The following FBN1 variants were observed in gnomAD, a reference collection of about 807,000 sequenced individuals.
FBN1 encodes the protein fibrillin-1.
In FBN1, 29 loss-of-function variants were observed where a neutral mutation model predicts 365.1. The ratio of observed to expected loss-of-function variants is 0.08; its 90% CI spans 0.06 to 0.11. FBN1 has a LOEUF of 0.11. Among genes scored for constraint, FBN1 ranks in the 10% least tolerant of loss-of-function variants. The pLI is 1.00. For synonymous variants in FBN1, 1,210 were observed against 1,270.5 expected, an observed-to-expected ratio of 0.95 and a Z score of 1.01; for missense variants, 2,476 against 3,703.2, an observed-to-expected ratio of 0.67 and a Z score of 8.60.
chr15:48,453,231 G>A (rs2043214411), intron 44 of FBN1, among the ~76,000 whole-genome samples: 1 of 147,458 alleles, frequency 6.8e-6, no homozygotes, highest in Admixed American at 7.0e-5. Flanking sequence ...ATTCCAGCCT[G>A]GGCAACAAGT....
intron 56 of FBN1, among the ~76,000 whole-genome samples, chr15:48,430,330 T>C (rs574069034): frequency 3.3e-5 from 5 of 152,200 alleles, no homozygotes; most frequent in Admixed American, 1.3e-4. Flanking sequence ...GCTAAGTCAA[T>C]AGGGAAGCAT....
At chr15:48,594,413 C>G (rs1177728941) in intron 6 of FBN1, among the ~76,000 whole-genome samples, 2 of 152,156 alleles carry the variant, frequency 1.3e-5, no homozygotes, top group Admixed American at 6.5e-5. Context: ...TTGAAAATCA[C>G]CACTGGGAAA....
In FBN1 at chr15:48,415,194, G is replaced by A. The variant is rs1177624036; in HGVS notation, c.8051+342C>T. On this transcript the variant is annotated intron_variant, in intron 64 of 65. Coordinates refer to ENST00000316623, the MANE Select transcript of FBN1 (RefSeq NM_000138.5). The stretch of plus-strand genomic sequence containing the variant: ...CAGGAGAAGAGTGGATCAGTCGTGT[G>A]CAGGGTGAGCCCAGTTCTGTCATGG... Among the ~76,000 whole-genome samples the A allele has an allele frequency of 3.9e-5, 6 of 152,194 alleles. No individual in the cohort carries two copies. In the East Asian group the frequency reaches 1.2e-3, roughly 29 times the overall value.
At chr15:48,633,881 T>C (rs1263128797) in intron 2 of FBN1, among the ~76,000 whole-genome samples, 1 of 152,162 alleles carries the variant, frequency 6.6e-6, no homozygotes, top group Non-Finnish European at 1.5e-5. Flanking sequence ...TGACTCAGCT[T>C]CCACACCTAC....
chr15:48,515,653 G>T, intron 11 of FBN1, 126 bp from the exon 12 acceptor site: 1 of 1,258,998 alleles, frequency 7.9e-7, no homozygotes, highest in Non-Finnish European at 1.1e-6. Flanking sequence ...GGCAAAGGTC[G>T]TCTGGTGACA....
At chr15:48,603,497 A>G (rs16961235) in intron 4 of FBN1, among the ~76,000 whole-genome samples, 1,803 of 152,344 alleles carry the variant, frequency 0.012, 44 homozygotes, top group African/African-American at 0.041. Flanking sequence ...TACACGCAGG[A>G]AATAGTTTAC....
intron 8 of FBN1, among the ~76,000 whole-genome samples, chr15:48,528,096 A>G (rs887122520): frequency 6.6e-6 from 1 of 152,248 alleles, no homozygotes; most frequent in Non-Finnish European, 1.5e-5. Flanking sequence ...TTAGTATCTG[A>G]GTCCTACAAC....
At chr15:48,576,277 T>C (rs1356825378) in intron 6 of FBN1, among the ~76,000 whole-genome samples, 1 of 152,230 alleles carries the variant, frequency 6.6e-6, no homozygotes, top group Non-Finnish European at 1.5e-5. Context: ...CATTTCATTT[T>C]TCATCAACTC....
chr15:48,556,416 C>T (rs2044181284), intron 6 of FBN1, among the ~76,000 whole-genome samples: 1 of 152,176 alleles, frequency 6.6e-6, no homozygotes, highest in Non-Finnish European at 1.5e-5. Context: ...CTAAGGTTTA[C>T]AAAACAATCC....
rs56286136 is a variant in FBN1, at chr15:48,463,617, T to C, written c.5065+282A>G. 0.13 allele frequency among the ~76,000 whole-genome samples: 19,530 copies of C among 152,224 alleles called. 1,521 individuals are homozygous for C. The highest frequency in any genetic ancestry group is 0.22 in the African/African-American group (9,154 of 41,512). The stretch of plus-strand genomic sequence containing the variant: ...CTGTAGGTCAGCACTGTAAATATAA[T>C]TGTACAAAGATACACCCAAAAGTCA... On this transcript the variant is annotated intron_variant, in intron 41 of 65. Transcript: ENST00000316623.
At chr15:48,456,569 C>T in intron 44 of FBN1, 68 bp downstream of exon 44, 1 of 1,522,938 alleles carries the variant, frequency 6.6e-7, no homozygotes, top group African/African-American at 1.4e-5. Flanking sequence ...TGAAATTCGC[C>T]AAGTGTGTAT....
intron 50 of FBN1, among the ~76,000 whole-genome samples, chr15:48,438,670 A>G (rs140160296): frequency 4.4e-3 from 665 of 152,276 alleles, no homozygotes; most frequent in African/African-American, 0.015. Context: ...GTGGGAACAG[A>G]ATAGTCTTTC....
chr15:48,452,809 G>A, intron 44 of FBN1, 125 bp from the exon 45 acceptor site: 1 of 1,067,918 alleles, frequency 9.4e-7, no homozygotes. Flanking sequence ...CAACATAGAT[G>A]TGTACAGCAG....
At chr15:48,584,852 T>C (rs1438675247) in intron 6 of FBN1, among the ~76,000 whole-genome samples, 1 of 152,234 alleles carries the variant, frequency 6.6e-6, no homozygotes, top group Non-Finnish European at 1.5e-5. Flanking sequence ...ATTAAGATAC[T>C]GTGGATGCTT....
At chr15:48,644,413 G>T in intron 2 of FBN1, 193 bp downstream of exon 2, 1 of 738,866 alleles carries the variant, frequency 1.4e-6, no homozygotes, top group Non-Finnish European at 2.3e-6. Flanking sequence ...TCTCCTTTGG[G>T]GCAGAAATCT....
chr15:48,503,780 C>T lies in FBN1; in HGVS notation c.2113+7G>A, dbSNP rs757033450. The T allele has an allele frequency of 1.2e-6, 2 of 1,613,614 alleles. No homozygotes were observed. Among genetic ancestry groups the T allele is most frequent in the South Asian group, 2.2e-5 (2 of 91,054 alleles). On this transcript the variant is annotated splice_region_variant and intron_variant, in intron 17 of 65. Coordinates refer to ENST00000316623, the MANE Select transcript of FBN1 (RefSeq NM_000138.5). ...CAGTACGAGGGCATCTCCATGATACCACATACCTGAATTCTGTGCAGGACA... is the reference window on the plus strand; with the variant it reads ...CAGTACGAGGGCATCTCCATGATACTACATACCTGAATTCTGTGCAGGACA...
intron 41 of FBN1, 147 bp downstream of exon 41, chr15:48,463,752 A>T (rs2043298838): frequency 1.1e-6 from 1 of 911,948 alleles, no homozygotes; most frequent in Non-Finnish European, 1.7e-6. Context: ...TATGATTTAT[A>T]GGGGAAGAGT....
chr15:48,479,208 C>G (rs1407375231), intron 32 of FBN1, among the ~76,000 whole-genome samples: 1 of 152,148 alleles, frequency 6.6e-6, no homozygotes, highest in Non-Finnish European at 1.5e-5. Flanking sequence ...GCTAAAAGAG[C>G]CTTAGTGACA....
chr15:48,531,191 C>A (rs1414885839), intron 8 of FBN1, among the ~76,000 whole-genome samples: 2 of 152,126 alleles, frequency 1.3e-5, no homozygotes, highest in Admixed American at 1.3e-4. Flanking sequence ...ATTTAAATCC[C>A]TTCAACTTGT....
Sources: gnomAD v4.1 joint callset for allele counts (sites outside exome capture counted in the v4.1 genomes callset) on GRCh38, gnomAD v4.1.1 for gene constraint, MANE v1.5 for transcripts, NCBI Gene and HGNC (gene_info 2026-07-23, HGNC 2026-07-21) for gene names.